KDM4C: variants seen among roughly 807,000 people sequenced by gnomAD.
KDM4C encodes lysine-specific demethylase 4C.
In KDM4C, 81 loss-of-function variants were observed where a neutral mutation model predicts 129.3. The ratio of observed to expected loss-of-function variants is 0.63; its 90% CI spans 0.52 to 0.75. The LOEUF is 0.75. Ranked by LOEUF, KDM4C falls within the 30% of genes least tolerant of loss-of-function variation. The pLI is 0.00. For synonymous variants in KDM4C, 573 were observed against 456.1 expected, an observed-to-expected ratio of 1.26 and a Z score of -3.26; for missense variants, 1,457 against 1,304.0, an observed-to-expected ratio of 1.12 and a Z score of -1.81.
At chr9:6,831,544 T>C (rs1264248345) in intron 4 of KDM4C, among the ~76,000 whole-genome samples, 1 of 152,110 alleles carries the variant, frequency 6.6e-6, no homozygotes, top group African/African-American at 2.4e-5. Context: ...GGTTTCACCA[T>C]GTTGGCCAGG....
rs909202585 is a variant in KDM4C at position 6,793,150 on chromosome 9, C to A, written c.144+18C>A. 1.2e-6 allele frequency: 2 copies of A among 1,601,234 alleles called. No individual in the cohort carries two copies. The highest frequency in any genetic ancestry group is 3.4e-5 in the Admixed American group (2 of 58,490). On this transcript the variant is annotated intron_variant, in intron 2 of 21. Coordinates refer to ENST00000381309, the MANE Select transcript of KDM4C (RefSeq NM_015061.6). The stretch of plus-strand genomic sequence containing the variant: ...TTGCAAAGGTGATTATCCTTCGATG[C>A]TTTAAATGAAAAACAATCACTTGGC...
At chr9:6,919,068 G>T (rs1296525374) in intron 8 of KDM4C, among the ~76,000 whole-genome samples, 1 of 152,050 alleles carries the variant, frequency 6.6e-6, no homozygotes, top group Admixed American at 6.6e-5. Flanking sequence ...GGCCAGACTG[G>T]TCTTGAACTC....
At chr9:6,898,473 T>G (rs1816820213) in intron 8 of KDM4C, among the ~76,000 whole-genome samples, 1 of 152,234 alleles carries the variant, frequency 6.6e-6, no homozygotes, top group African/African-American at 2.4e-5. Flanking sequence ...TATCTTTTAT[T>G]TTAATTTTAA....
At chr9:7,032,080 A>C (rs141709034) in intron 15 of KDM4C, among the ~76,000 whole-genome samples, 1 of 152,354 alleles carries the variant, frequency 6.6e-6, no homozygotes, top group Non-Finnish European at 1.5e-5. Context: ...ACGAAGCTCC[A>C]ACCCCTGTAA....
At chr9:6,909,097 A>G (rs1818828906) in intron 8 of KDM4C, among the ~76,000 whole-genome samples, 2 of 152,386 alleles carry the variant, frequency 1.3e-5, no homozygotes, top group South Asian at 4.1e-4. Flanking sequence ...TCTTTTGAAA[A>G]TAAAACAAAT....
At chr9:6,722,075 G>GTTTTGT (rs1252412702) in intron 1 of KDM4C, among the ~76,000 whole-genome samples, 1 of 152,178 alleles carries the variant, frequency 6.6e-6, no homozygotes, top group Non-Finnish European at 1.5e-5. Context: ...TGTAGTTGTA[G>GTTTTGT]AGGAACTGTT....
In KDM4C at chr9:6,826,593, C is replaced by T. The variant is rs555967288; in HGVS notation, c.435+11848C>T. ...AAAATTTATCTTATTTGGCCGGGCG[C>T]GGTGGCTTATGCCTGTGATCCCAGC... On this transcript the variant is annotated intron_variant, in intron 4 of 21. Transcript: ENST00000381309. Among the ~76,000 whole-genome samples the T allele has an allele frequency of 3.9e-5, 6 of 152,206 alleles. No homozygotes were observed. The South Asian group carries it at 6.2e-4, about 16-fold the overall frequency.
intron 5 of KDM4C, among the ~76,000 whole-genome samples, chr9:6,853,563 G>C (rs1420239452): frequency 1.3e-5 from 2 of 152,156 alleles, no homozygotes; most frequent in African/African-American, 4.8e-5. Context: ...TTCCTGAGTT[G>C]CTATACATAG....
At chr9:6,889,427 A>C (rs1845801660) in intron 7 of KDM4C, among the ~76,000 whole-genome samples, 1 of 152,164 alleles carries the variant, frequency 6.6e-6, no homozygotes, top group Middle Eastern at 3.4e-3. Flanking sequence ...TTTTACCATG[A>C]AAAAATCGTG....
intron 8 of KDM4C, among the ~76,000 whole-genome samples, chr9:6,930,480 A>G (rs1449643317): frequency 6.6e-6 from 1 of 150,816 alleles, no homozygotes; most frequent in Non-Finnish European, 1.5e-5. Flanking sequence ...TATACATAAT[A>G]TACAAAATAT....
At chr9:6,911,940 C>G (rs1273835657) in intron 8 of KDM4C, among the ~76,000 whole-genome samples, 3 of 152,124 alleles carry the variant, frequency 2.0e-5, no homozygotes, top group Admixed American at 6.5e-5. Context: ...TGCAGGGTTG[C>G]TCCCCTACTT....
At chr9:7,096,870 A>C (rs2133091799) in intron 17 of KDM4C, among the ~76,000 whole-genome samples, 1 of 152,236 alleles carries the variant, frequency 6.6e-6, no homozygotes, top group African/African-American at 2.4e-5. Flanking sequence ...ATTTCCACCT[A>C]AAAATTAGCT....
chr9:7,084,273 T>G (rs1834869252), intron 17 of KDM4C, among the ~76,000 whole-genome samples: 1 of 152,088 alleles, frequency 6.6e-6, no homozygotes, highest in Non-Finnish European at 1.5e-5. Flanking sequence ...AATGGCATAG[T>G]TCATATAGGG....
chr9:6,969,480 T>A (rs779557409), intron 8 of KDM4C, among the ~76,000 whole-genome samples: 3 of 152,188 alleles, frequency 2.0e-5, no homozygotes, highest in Non-Finnish European at 2.9e-5. Context: ...TTTGAACACA[T>A]GTAAAAATGG....
intron 18 of KDM4C, among the ~76,000 whole-genome samples, chr9:7,125,715 A>C (rs1442340990): frequency 2.0e-5 from 3 of 152,192 alleles, no homozygotes; most frequent in African/African-American, 7.2e-5. Flanking sequence ...GCAAGAAAAG[A>C]CTGGGGTTTA....
chr9:6,874,917 C>T (rs920347911), intron 5 of KDM4C, among the ~76,000 whole-genome samples: 1 of 150,238 alleles, frequency 6.7e-6, no homozygotes, highest in African/African-American at 2.5e-5. Context: ...TAGTGAAACC[C>T]TCATCTCTAC....
chr9:6,816,595 G>C (rs1441008140), intron 4 of KDM4C, among the ~76,000 whole-genome samples: 2 of 152,032 alleles, frequency 1.3e-5, no homozygotes, highest in Non-Finnish European at 2.9e-5. Context: ...ATATATACAT[G>C]GTTAGCTTTA....
At position 6,747,374 on chromosome 9, in the gene KDM4C, C is replaced by T. The variant is rs7857896; in HGVS notation, c.49+26377C>T. ...CATCCTGGCTAATACGGTGAAACCC[C>T]GTCTCTACTAAAAATACATAAAAAT... On this transcript the variant is annotated intron_variant, in intron 1 of 17. Transcript: ENST00000536108. 3.4e-3 allele frequency among the ~76,000 whole-genome samples: 521 copies of T among 151,582 alleles called. 6 individuals carry two copies. Among genetic ancestry groups the T allele is most frequent in the African/African-American group, 0.012 (477 of 41,314 alleles).
intron 18 of KDM4C, among the ~76,000 whole-genome samples, chr9:7,123,977 G>A (rs1839774632): frequency 6.6e-6 from 1 of 152,120 alleles, no homozygotes; most frequent in South Asian, 2.1e-4. Context: ...TGAGCTGAAG[G>A]TCTCAGTATG....
Sources: allele counts gnomAD v4.1 joint callset (sites outside exome capture counted in the v4.1 genomes callset), GRCh38; gene constraint gnomAD v4.1.1; transcripts MANE v1.5; gene names NCBI Gene and HGNC (gene_info 2026-07-23, HGNC 2026-07-21).